PTPRD: variants seen among roughly 807,000 people sequenced by gnomAD.
The protein encoded by PTPRD is receptor-type tyrosine-protein phosphatase delta.
Under a neutral mutation model 214.5 loss-of-function variants are expected in PTPRD, and 34 were observed. The observed-to-expected ratio is 0.16, with a 90% CI of 0.12 to 0.21. The LOEUF is 0.21. Ranked by LOEUF, PTPRD falls within the 10% of genes least tolerant of loss-of-function variation. The pLI is 1.00. For missense variants in PTPRD, 2,545 were observed against 2,398.7 expected, an observed-to-expected ratio of 1.06 and a Z score of -1.27; for synonymous variants, 1,128 against 845.7, an observed-to-expected ratio of 1.33 and a Z score of -5.79.
intron 7 of PTPRD, among the ~76,000 whole-genome samples, chr9:9,635,694 T>C (rs906190073): frequency 2.0e-5 from 3 of 152,234 alleles, no homozygotes; most frequent in East Asian, 3.8e-4. Flanking sequence ...TTCATTTCCC[T>C]GGACTACCAG....
intron 10 of PTPRD, among the ~76,000 whole-genome samples, chr9:9,114,174 A>C (rs1031977364): frequency 6.6e-6 from 1 of 152,150 alleles, no homozygotes; most frequent in African/African-American, 2.4e-5. Context: ...CAGGCCAATC[A>C]TGTTGCCTTT....
chr9:10,592,250 T>A (rs1329653792), intron 2 of PTPRD, among the ~76,000 whole-genome samples: 4 of 151,992 alleles, frequency 2.6e-5, no homozygotes, highest in African/African-American at 7.2e-5. Flanking sequence ...TGGGGAGATG[T>A]CCTAGAAGGT....
intron 2 of PTPRD, among the ~76,000 whole-genome samples, chr9:10,585,398 A>G (rs1478043116): frequency 1.3e-5 from 2 of 152,084 alleles, no homozygotes; most frequent in Admixed American, 1.3e-4. Flanking sequence ...ATTAGGAGAT[A>G]GCCAATTAAC....
rs181490280 is a variant in PTPRD at position 9,429,661 on chromosome 9, T to C, written c.-236-32179A>G. Among the ~76,000 whole-genome samples the C allele has an allele frequency of 6.8e-3, 1,031 of 152,292 alleles. 5 individuals are homozygous for C. Among genetic ancestry groups the C allele is most frequent in the Non-Finnish European group, 0.011 (734 of 68,028 alleles). On this transcript the variant is annotated intron_variant, in intron 8 of 45. Transcript: ENST00000381196. Reference sequence around the variant, plus strand: ...GATGCAAAAATCCTCAATAACATACTGGCAAACCGAATCCAGCAGCACATC... The same window carrying C: ...GATGCAAAAATCCTCAATAACATACCGGCAAACCGAATCCAGCAGCACATC...
At position 9,816,751 on chromosome 9, in the gene PTPRD, A is replaced by G. The variant is rs1333981659; in HGVS notation, c.-367-49900T>C. Among the ~76,000 whole-genome samples the G allele has an allele frequency of 1.1e-4, 16 of 152,148 alleles. 1 individual carries two copies. Among genetic ancestry groups the G allele is most frequent in the Middle Eastern group, 3.4e-3 (1 of 294 alleles). ...TGTGGCTAAACCACTATCATCAATA[A>G]AAGTCATGCATAAGGTGCATTCCTT... On this transcript the variant is annotated intron_variant, in intron 5 of 45. Coordinates refer to ENST00000381196, the MANE Select transcript of PTPRD (RefSeq NM_002839.4).
chr9:10,481,362 T>C (rs533314392), intron 2 of PTPRD, among the ~76,000 whole-genome samples: 1 of 152,336 alleles, frequency 6.6e-6, no homozygotes, highest in South Asian at 2.1e-4. Context: ...GGAGAAATTA[T>C]ATGATTCAAA....
chr9:9,664,775 G>A (rs1006312569), intron 7 of PTPRD, among the ~76,000 whole-genome samples: 6 of 151,620 alleles, frequency 4.0e-5, no homozygotes, highest in Admixed American at 2.6e-4. Context: ...AAAAATCAGT[G>A]AATGAGTACT....
intron 2 of PTPRD, among the ~76,000 whole-genome samples, chr9:10,566,261 A>G (rs1257752624): frequency 6.6e-6 from 1 of 152,008 alleles, no homozygotes; most frequent in Admixed American, 6.6e-5. Flanking sequence ...TTTGGTGTCT[A>G]TTTAAAAGTT....
At chr9:9,262,596 T>TA (rs1253411940) in intron 9 of PTPRD, among the ~76,000 whole-genome samples, 12 of 150,226 alleles carry the variant, frequency 8.0e-5, no homozygotes, top group South Asian at 2.1e-4. Context: ...TATAAATGAG[T>TA]AAAAAAAAAT....
At chr9:9,668,922 AT>A (rs1376256614) in intron 7 of PTPRD, among the ~76,000 whole-genome samples, 1 of 152,134 alleles carries the variant, frequency 6.6e-6, no homozygotes, top group Non-Finnish European at 1.5e-5. Context: ...GTTGAATGAA[AT>A]TTTGATTCAT....
chr9:8,886,793 T>TA (rs1483172083), intron 11 of PTPRD, among the ~76,000 whole-genome samples: 4 of 152,184 alleles, frequency 2.6e-5, no homozygotes, highest in South Asian at 2.1e-4. Flanking sequence ...TGCTGGTGGT[T>TA]AAAAAATGCT....
intron 4 of PTPRD, among the ~76,000 whole-genome samples, chr9:9,972,902 C>T (rs1453410255): frequency 6.6e-6 from 1 of 152,064 alleles, no homozygotes; most frequent in Admixed American, 6.6e-5. Flanking sequence ...TTGTAAGATC[C>T]TTAATTAATT....
chr9:8,600,273 G>C (rs2094764396), intron 14 of PTPRD, among the ~76,000 whole-genome samples: 1 of 152,192 alleles, frequency 6.6e-6, no homozygotes, highest in Non-Finnish European at 1.5e-5. Flanking sequence ...GTTCCCACAA[G>C]CCTCACCATC....
chr9:10,115,056 C>A (rs567597710), intron 3 of PTPRD, among the ~76,000 whole-genome samples: 2,972 of 139,590 alleles, frequency 0.021, 85 homozygotes, highest in African/African-American at 0.068. Context: ...AAAAAAAAAA[C>A]CTTCAAAGTG....
At chr9:10,293,110 CA>C (rs1483445889) in intron 3 of PTPRD, among the ~76,000 whole-genome samples, 41 of 151,892 alleles carry the variant, frequency 2.7e-4, no homozygotes, top group African/African-American at 9.9e-4. Context: ...GTAGTATAAC[CA>C]GGATCATGCA....
At chr9:9,647,236 GCCT>G (rs748131171) in intron 7 of PTPRD, among the ~76,000 whole-genome samples, 17 of 151,690 alleles carry the variant, frequency 1.1e-4, no homozygotes, top group Admixed American at 2.0e-4. Context: ...TGTTTTTGTA[GCCT>G]CTTATTTATT....
intron 8 of PTPRD, among the ~76,000 whole-genome samples, chr9:9,467,799 T>C (rs893764129): frequency 1.3e-5 from 2 of 152,112 alleles, no homozygotes; most frequent in Non-Finnish European, 2.9e-5. Flanking sequence ...TTTCCTTTAA[T>C]CAGTTTACGT....
chr9:10,426,109 C>A (rs958218965), intron 2 of PTPRD, among the ~76,000 whole-genome samples: 2 of 151,884 alleles, frequency 1.3e-5, no homozygotes, highest in African/African-American at 4.8e-5. Context: ...AATACTAAAG[C>A]CAATGCTTAA....
intron 6 of PTPRD, among the ~76,000 whole-genome samples, chr9:9,757,703 C>T (rs2098600838): frequency 6.6e-6 from 1 of 152,064 alleles, no homozygotes; most frequent in East Asian, 1.9e-4. Context: ...ACATATTATG[C>T]ATTCTATTAT....
Sources: allele counts gnomAD v4.1 joint callset (sites outside exome capture counted in the v4.1 genomes callset), GRCh38; gene constraint gnomAD v4.1.1; transcripts MANE v1.5; gene names NCBI Gene and HGNC (gene_info 2026-07-23, HGNC 2026-07-21).